The following GPATCH2 variants were observed in gnomAD, a reference collection of about 807,000 sequenced individuals.
GPATCH2 encodes G patch domain-containing protein 2.
GPATCH2 carries 51 observed loss-of-function variants against 58.0 expected under a neutral mutation model. The observed-to-expected ratio is 0.88, with a 90% CI of 0.70 to 1.11. The LOEUF (loss-of-function observed/expected upper bound fraction) is 1.11, where lower values mean the gene tolerates loss of function less well. Among genes scored for constraint, GPATCH2 ranks in the 50% most tolerant of loss-of-function variants. GPATCH2 has a pLI of 0.00. For missense variants in GPATCH2, 625 were observed against 652.2 expected, an observed-to-expected ratio of 0.96 and a Z score of 0.45; for synonymous variants, 222 against 218.5, an observed-to-expected ratio of 1.02 and a Z score of -0.14.
rs112041132 is a variant in GPATCH2 at position 217,498,711 on chromosome 1, T to C, written c.1167-316A>G. 809 of 457,124 alleles carry C rather than the reference T, an allele frequency of 1.8e-3. 10 individuals carry two copies. Among genetic ancestry groups the C allele is most frequent in the African/African-American group, 0.014 (717 of 50,322 alleles). The allele number at this position is 457,124 out of a possible 1,614,324, so 28.3% of individuals were successfully genotyped here. A position where few individuals can be genotyped will look rare whatever the true frequency, so the allele number is the denominator to read the frequency against. Reference sequence around the variant, plus strand: ...TTCTGGTTATAAAACCTACAAATGCTATCATTTACCACAACTTAATTATAG... The same window carrying C: ...TTCTGGTTATAAAACCTACAAATGCCATCATTTACCACAACTTAATTATAG... On this transcript the variant is annotated intron_variant, in intron 6 of 9. Transcript: ENST00000366935.
At chr1:217,457,664 T>C (rs2102482535) in intron 8 of GPATCH2, among the ~76,000 whole-genome samples, 1 of 152,294 alleles carries the variant, frequency 6.6e-6, no homozygotes, top group Admixed American at 6.5e-5. Flanking sequence ...AAAATTGCCA[T>C]TATGCTACAA....
intron 2 of GPATCH2, among the ~76,000 whole-genome samples, chr1:217,616,742 T>C (rs1668905119): frequency 1.3e-5 from 2 of 152,204 alleles, no homozygotes; most frequent in Non-Finnish European, 2.9e-5. Flanking sequence ...TTCACCTTTT[T>C]AGAGTGAATT....
chr1:217,546,947 A>G (rs936768134), intron 5 of GPATCH2, among the ~76,000 whole-genome samples: 1 of 152,194 alleles, frequency 6.6e-6, no homozygotes, highest in African/African-American at 2.4e-5. Context: ...ATGAACAGAC[A>G]CTTTTCAAAA....
At chr1:217,500,276 T>C (rs574928124) in intron 6 of GPATCH2, among the ~76,000 whole-genome samples, 33 of 152,116 alleles carry the variant, frequency 2.2e-4, no homozygotes, top group African/African-American at 7.9e-4. Context: ...AATATGCCCA[T>C]CCCTTACTCC....
At position 217,539,700 on chromosome 1, in the gene GPATCH2, A is replaced by C. The variant is rs573976016; in HGVS notation, c.1099-24811T>G. Among the ~76,000 whole-genome samples, 117 of 152,320 alleles carry C rather than the reference A, an allele frequency of 7.7e-4. 1 individual carries two copies. The highest frequency in any genetic ancestry group is 2.6e-3 in the African/African-American group (110 of 41,582). On this transcript the variant is annotated intron_variant, in intron 5 of 9. Coordinates refer to ENST00000366935, the MANE Select transcript of GPATCH2 (RefSeq NM_018040.5). ...TCTGGAGTAATACATAATAAATCTGAAACAAGGCAATTTGCAGCTCTGTAT... is the reference window on the plus strand; with the variant it reads ...TCTGGAGTAATACATAATAAATCTGCAACAAGGCAATTTGCAGCTCTGTAT...
At chr1:217,623,888 G>A (rs1211945633) in intron 1 of GPATCH2, among the ~76,000 whole-genome samples, 2 of 151,956 alleles carry the variant, frequency 1.3e-5, no homozygotes, top group Non-Finnish European at 2.9e-5. Flanking sequence ...GGCGAAAAGA[G>A]CAAAACTCCA....
At chr1:217,585,270 A>G (rs1667285966) in intron 5 of GPATCH2, among the ~76,000 whole-genome samples, 1 of 152,004 alleles carries the variant, frequency 6.6e-6, no homozygotes, top group African/African-American at 2.4e-5. Flanking sequence ...TAGTAGAAAT[A>G]TATCTATTAT....
intron 5 of GPATCH2, among the ~76,000 whole-genome samples, chr1:217,573,647 C>CA (rs1666669695): frequency 6.6e-6 from 1 of 152,094 alleles, no homozygotes; most frequent in Non-Finnish European, 1.5e-5. Context: ...ACAGAGCTGA[C>CA]AAGCAGATGA....
intron 5 of GPATCH2, among the ~76,000 whole-genome samples, chr1:217,571,122 C>T (rs148216499): frequency 6.4e-4 from 98 of 152,194 alleles, no homozygotes; most frequent in African/African-American, 2.2e-3. Flanking sequence ...TATATCAGAC[C>T]GTGTTAGGTG....
At chr1:217,543,264 C>A (rs895003787) in intron 5 of GPATCH2, among the ~76,000 whole-genome samples, 2 of 143,256 alleles carry the variant, frequency 1.4e-5, no homozygotes, top group Non-Finnish European at 3.0e-5. Context: ...CATGATGATG[C>A]GAACGTTTTT....
chr1:217,582,139 CT>C (rs1667109908), intron 5 of GPATCH2, among the ~76,000 whole-genome samples: 1 of 152,120 alleles, frequency 6.6e-6, no homozygotes, highest in South Asian at 2.1e-4. Flanking sequence ...GATTATGCAA[CT>C]GTTCACTCTC....
At chr1:217,472,296 CTT>C (rs11326840) in intron 8 of GPATCH2, among the ~76,000 whole-genome samples, 1,538 of 90,006 alleles carry the variant, frequency 0.017, 16 homozygotes, top group African/African-American at 0.059. Flanking sequence ...TTTCAACAGA[CTT>C]TTTTTTTTTT....
chr1:217,436,956 G>C (rs1229174564), intron 9 of GPATCH2, among the ~76,000 whole-genome samples: 1 of 152,148 alleles, frequency 6.6e-6, no homozygotes, highest in African/African-American at 2.4e-5. Context: ...GGCTGAATAG[G>C]AACAGCTCCA....
chr1:217,539,056 C>A (rs886756171), intron 5 of GPATCH2, among the ~76,000 whole-genome samples: 2 of 152,050 alleles, frequency 1.3e-5, no homozygotes, highest in Non-Finnish European at 2.9e-5. Flanking sequence ...TAATAGAATT[C>A]TGTGTGTCGA....
At chr1:217,541,626 T>A (rs1034263307) in intron 5 of GPATCH2, among the ~76,000 whole-genome samples, 1 of 152,142 alleles carries the variant, frequency 6.6e-6, no homozygotes, top group Non-Finnish European at 1.5e-5. Context: ...AACAAAAGAA[T>A]AAAAATCATA....
intron 1 of GPATCH2, among the ~76,000 whole-genome samples, chr1:217,623,352 TAGAA>T (rs1030309951): frequency 1.3e-5 from 2 of 152,134 alleles, no homozygotes; most frequent in African/African-American, 2.4e-5. Context: ...GTACTAACAT[TAGAA>T]AGAGGTTAAC....
At chr1:217,514,947 G>A (rs1292685322) in intron 5 of GPATCH2, 58 bp from the exon 6 acceptor site, 3 of 785,296 alleles carry the variant, frequency 3.8e-6, no homozygotes, top group African/African-American at 3.4e-5. Context: ...AAACGACCAT[G>A]GATAATAGTG....
intron 5 of GPATCH2, among the ~76,000 whole-genome samples, chr1:217,602,686 T>C (rs959604046): frequency 2.6e-5 from 4 of 152,096 alleles, no homozygotes; most frequent in Non-Finnish European, 5.9e-5. Flanking sequence ...TACTATAGAC[T>C]ACCTGAGAAA....
intron 5 of GPATCH2, among the ~76,000 whole-genome samples, chr1:217,544,171 G>A (rs1664905224): frequency 6.6e-6 from 1 of 152,192 alleles, no homozygotes; most frequent in African/African-American, 2.4e-5. Flanking sequence ...GAAGCAGGCG[G>A]ATCACTCGAG....
Sources: allele counts gnomAD v4.1 joint callset (sites outside exome capture counted in the v4.1 genomes callset), GRCh38; gene constraint gnomAD v4.1.1; transcripts MANE v1.5; gene names NCBI Gene and HGNC (gene_info 2026-07-23, HGNC 2026-07-21).